The following ADAM22 variants were observed in gnomAD, a reference collection of about 807,000 sequenced individuals.
ADAM22 encodes the protein ADAM metallopeptidase domain 22, also known as disintegrin and metalloproteinase domain-containing protein 22.
Under a neutral mutation model 144.6 loss-of-function variants are expected in ADAM22, and 65 were observed. That is an observed-to-expected ratio of 0.45 (90% confidence interval 0.37 to 0.55). The LOEUF (loss-of-function observed/expected upper bound fraction) is 0.55. Among genes scored for constraint, ADAM22 ranks in the 20% least tolerant of loss-of-function variants. The pLI, the probability that ADAM22 is intolerant of heterozygous loss-of-function variation, is 0.00. For synonymous variants in ADAM22, 391 were observed against 412.6 expected, an observed-to-expected ratio of 0.95 and a Z score of 0.63; for missense variants, 974 against 1,184.9, an observed-to-expected ratio of 0.82 and a Z score of 2.61.
intron 3 of ADAM22, among the ~76,000 whole-genome samples, chr7:88,002,040 T>C (rs2083464443): frequency 6.6e-6 from 1 of 152,090 alleles, no homozygotes; most frequent in Non-Finnish European, 1.5e-5. Context: ...AAGCCTAATG[T>C]TATAAACTTT....
chr7:88,202,733 T>A lies in ADAM22; in HGVS notation c.*6242T>A, dbSNP rs1309942666. 1 of 152,220 alleles carries A rather than the reference T, an allele frequency of 6.6e-6. No homozygotes were observed. Among genetic ancestry groups the A allele is most frequent in the African/African-American group, 2.4e-5 (1 of 41,462 alleles). 9.4% of individuals were successfully genotyped at this position (152,220 alleles called of 1,614,324 possible). A position where few individuals can be genotyped will look rare whatever the true frequency, so the allele number is the denominator to read the frequency against. ...CTTACATTGTAGGTAAACAAAATCT[T>A]GATGTTTTTAAAGGTCACTGTAACT... On this transcript the variant is annotated 3_prime_UTR_variant, in exon 32 of 32. Coordinates refer to ENST00000413139, the MANE Select transcript of ADAM22 (RefSeq NM_001324418.2).
At chr7:88,066,091 A>G (rs145331389) in intron 3 of ADAM22, among the ~76,000 whole-genome samples, 45 of 152,266 alleles carry the variant, frequency 3.0e-4, no homozygotes, top group African/African-American at 1.0e-3. Context: ...TGTCATTAAC[A>G]GTGGATAATA....
chr7:87,998,008 A>G (rs747161802), intron 3 of ADAM22, among the ~76,000 whole-genome samples: 5 of 152,250 alleles, frequency 3.3e-5, no homozygotes, highest in Non-Finnish European at 7.3e-5. Flanking sequence ...TGAAGGCCTG[A>G]GAGCCCCTGG....
chr7:88,168,349 G>T (rs898895731), intron 25 of ADAM22, 122 bp downstream of exon 25: 1 of 973,040 alleles, frequency 1.0e-6, no homozygotes. Flanking sequence ...AATCAGCTTG[G>T]CTCAGCAGCC....
Position 88,148,938 on chromosome 7 carries a change from C to T in ADAM22, c.1486-39C>T. 4.9e-6 allele frequency: 7 copies of T among 1,440,338 alleles called. No homozygotes were observed. In the Admixed American group the frequency reaches 8.7e-5, roughly 18 times the overall value. 89.2% of individuals were successfully genotyped at this position (1,440,338 alleles called of 1,614,324 possible). ...AGATGATATTGTAAGATTTTTTTTT[C>T]TCCCTACAGTTTCACACGTTGATTT... On this transcript the variant is annotated intron_variant, in intron 17 of 31. Transcript: ENST00000413139.
chr7:87,963,167 G>C (rs1848348528), intron 2 of ADAM22, among the ~76,000 whole-genome samples: 1 of 152,118 alleles, frequency 6.6e-6, no homozygotes, highest in African/African-American at 2.4e-5. Context: ...GGTGGTGGTG[G>C]TGGAGACGGT....
chr7:87,971,327 T>C (rs994373083), intron 2 of ADAM22, among the ~76,000 whole-genome samples: 1 of 152,102 alleles, frequency 6.6e-6, no homozygotes, highest in Non-Finnish European at 1.5e-5. Context: ...CTCCAAGCTG[T>C]AGGATGAAAG....
intron 30 of ADAM22, among the ~76,000 whole-genome samples, chr7:88,190,111 CAT>C (rs1849284344): frequency 6.6e-6 from 1 of 152,202 alleles, no homozygotes; most frequent in Admixed American, 6.5e-5. Flanking sequence ...GCCTTACAGG[CAT>C]ATATACAGAA....
At chr7:88,004,081 G>A (rs1258507931) in intron 3 of ADAM22, among the ~76,000 whole-genome samples, 1 of 152,180 alleles carries the variant, frequency 6.6e-6, no homozygotes, top group Non-Finnish European at 1.5e-5. Context: ...AGCCTTCTTG[G>A]GGATTTGAAG....
intron 4 of ADAM22, among the ~76,000 whole-genome samples, chr7:88,093,886 A>G (rs1211772096): frequency 6.6e-6 from 1 of 152,200 alleles, no homozygotes; most frequent in East Asian, 1.9e-4. Context: ...CCTATGAGGT[A>G]GAAAAAGAGC....
chr7:88,079,051 T>C (rs373811776), intron 4 of ADAM22, among the ~76,000 whole-genome samples: 12 of 151,952 alleles, frequency 7.9e-5, no homozygotes, highest in Admixed American at 3.9e-4. Context: ...TTGTCAGATT[T>C]ACCAAAGTTG....
chr7:88,171,543 G>C lies in ADAM22; in HGVS notation c.2283-1G>C. 1 of 1,592,346 alleles carries C rather than the reference G, an allele frequency of 6.3e-7. No individual in the cohort carries two copies. The highest frequency in any genetic ancestry group is 8.5e-7 in the Non-Finnish European group (1 of 1,171,862). On this transcript the variant is annotated splice_acceptor_variant, in intron 25 of 31. Coordinates refer to ENST00000413139, the MANE Select transcript of ADAM22 (RefSeq NM_001324418.2). LOFTEE classifies it high-confidence loss of function. ...CTCTTTCTCTTCTTGTCCATGAAAAGAAACTATCGAGAACAGAGGTATGTA... is the reference window on the plus strand; with the variant it reads ...CTCTTTCTCTTCTTGTCCATGAAAACAAACTATCGAGAACAGAGGTATGTA...
chr7:88,015,667 A>G (rs527522095), intron 3 of ADAM22, among the ~76,000 whole-genome samples: 1 of 152,348 alleles, frequency 6.6e-6, no homozygotes, highest in East Asian at 1.9e-4. Context: ...AGAAAATACT[A>G]AAAGCTTGGC....
chr7:88,119,376 T>C (rs908733528), intron 7 of ADAM22, among the ~76,000 whole-genome samples: 1 of 152,256 alleles, frequency 6.6e-6, no homozygotes, highest in Admixed American at 6.5e-5. Flanking sequence ...GATGGAATCA[T>C]GTACTATGTG....
chr7:88,200,456 A>C lies in ADAM22; in HGVS notation c.*3965A>C, dbSNP rs1156747747. Reference sequence around the variant, plus strand: ...AGCTGCCTGCACAGTCTGATAGGACACATCTGGCTGCTGCCACTGGATGCC... The same window carrying C: ...AGCTGCCTGCACAGTCTGATAGGACCCATCTGGCTGCTGCCACTGGATGCC... On this transcript the variant is annotated 3_prime_UTR_variant, in exon 32 of 32. Coordinates refer to ENST00000413139, the MANE Select transcript of ADAM22 (RefSeq NM_001324418.2). 6.6e-6 allele frequency: 1 copy of C among 152,238 alleles called. No individual in the cohort carries two copies. The highest frequency in any genetic ancestry group is 2.4e-5 in the African/African-American group (1 of 41,462). The allele number at this position is 152,238 out of a possible 1,614,324, so 9.4% of individuals were successfully genotyped here.
intron 15 of ADAM22, among the ~76,000 whole-genome samples, chr7:88,144,391 A>G (rs898209558): frequency 1.3e-5 from 2 of 152,194 alleles, no homozygotes; most frequent in African/African-American, 4.8e-5. Flanking sequence ...TAAACAATAA[A>G]ACAGACCTAA....
rs540582671 is a variant in ADAM22 at position 88,002,121 on chromosome 7, A to T, written c.323+23709A>T. ...TGCAAATAACAAAAATTTAACTCAAATTTGCAAAAGAAAAAGGAATTTATT... is the reference window on the plus strand; with the variant it reads ...TGCAAATAACAAAAATTTAACTCAATTTTGCAAAAGAAAAAGGAATTTATT... On this transcript the variant is annotated intron_variant, in intron 3 of 31. Coordinates refer to ENST00000413139, the MANE Select transcript of ADAM22 (RefSeq NM_001324418.2). 1.3e-5 allele frequency among the ~76,000 whole-genome samples: 2 copies of T among 152,304 alleles called. 1 individual carries two copies. The highest frequency in any genetic ancestry group is 4.1e-4 in the South Asian group (2 of 4,826).
rs1429101016 is a variant in ADAM22, at chr7:88,198,146, A to G, written c.*1655A>G. Reference sequence around the variant, plus strand: ...AATCTGCAGACAGGTTTTCAGATATACTCTCTTAAATTTGATCCTCTCCCA... The same window carrying G: ...AATCTGCAGACAGGTTTTCAGATATGCTCTCTTAAATTTGATCCTCTCCCA... On this transcript the variant is annotated 3_prime_UTR_variant, in exon 32 of 32. Transcript: ENST00000413139. 6.6e-6 allele frequency: 1 copy of G among 152,020 alleles called. No individual in the cohort carries two copies. Among genetic ancestry groups the G allele is most frequent in the Non-Finnish European group, 1.5e-5 (1 of 68,014 alleles). The allele number at this position is 152,020 out of a possible 1,614,324, so 9.4% of individuals were successfully genotyped here.
At chr7:88,149,761 A>G (rs1837766361) in intron 18 of ADAM22, among the ~76,000 whole-genome samples, 1 of 152,196 alleles carries the variant, frequency 6.6e-6, no homozygotes. Context: ...TTTTAAATGG[A>G]TAGGAAGGTG....
Sources: gnomAD v4.1 joint callset for allele counts (sites outside exome capture counted in the v4.1 genomes callset) on GRCh38, gnomAD v4.1.1 for gene constraint, MANE v1.5 for transcripts, NCBI Gene and HGNC (gene_info 2026-07-23, HGNC 2026-07-21) for gene names.